Variants in C3orf49 observed in about 807,000 individuals in gnomAD.
C3orf49 encodes the protein chromosome 3 open reading frame 49, also known as putative uncharacterized protein C3orf49.
Under a neutral mutation model 13.3 loss-of-function variants are expected in C3orf49, and 27 were observed. The observed-to-expected ratio is 2.02, with a 90% CI of 1.49 to 2.79. The LOEUF is 2.79. C3orf49 is among the 30% of genes most tolerant of loss of function. C3orf49 has a pLI of 0.00. For missense variants in C3orf49, 242 were observed against 134.2 expected (o/e 1.80, Z -3.97); for synonymous variants, 87 against 47.6 (o/e 1.83, Z -3.40).
At chr3:63,807,553 A>G in the C3orf49 span, among the ~76,000 whole-genome samples, 1 of 152,124 alleles carries the variant, frequency 6.6e-6, no homozygotes, top group African/African-American at 2.4e-5. Flanking sequence ...CTCTTGGGTA[A>G]AAATGAGAAA....
the C3orf49 span, among the ~76,000 whole-genome samples, chr3:63,790,106 T>C: frequency 6.6e-6 from 1 of 152,254 alleles, no homozygotes; most frequent in Non-Finnish European, 1.5e-5. Context: ...GTAGTATCTT[T>C]GCTTGCTGAA....
intron 5 of C3orf49, among the ~76,000 whole-genome samples, chr3:63,833,112 T>C (rs2107110614): frequency 6.6e-6 from 1 of 152,172 alleles, no homozygotes; most frequent in Admixed American, 6.5e-5. Flanking sequence ...TTTTTTTTTT[T>C]TTAGACAGAG....
chr3:63,783,294 C>T, the C3orf49 span, among the ~76,000 whole-genome samples: 1 of 152,060 alleles, frequency 6.6e-6, no homozygotes, highest in African/African-American at 2.4e-5. Context: ...TTCAATATCC[C>T]TCTTCTTTCA....
intron 5 of C3orf49, chr3:63,832,907 T>C (rs1223041517): frequency 2.6e-5 from 4 of 152,128 alleles, no homozygotes; most frequent in Admixed American, 6.5e-5. Flanking sequence ...AAAATTATTA[T>C]TAAAATTACA....
rs1352168666 is a variant in C3orf49 at position 63,848,408 on chromosome 3, T to G, written c.*75T>G. 1.3e-5 allele frequency: 2 copies of G among 152,178 alleles called. No individual in the cohort carries two copies. Among genetic ancestry groups the G allele is most frequent in the Non-Finnish European group, 2.9e-5 (2 of 68,056 alleles). The allele number at this position is 152,178 out of a possible 1,614,324, so 9.4% of individuals were successfully genotyped here. A position where few individuals can be genotyped will look rare whatever the true frequency, so the allele number is the denominator to read the frequency against. On this transcript the variant is annotated 3_prime_UTR_variant, in exon 7 of 7. Coordinates refer to ENST00000295896, the MANE Select transcript of C3orf49 (RefSeq NM_001355236.2). ...ACCAATTACCAATCAGAAAATCGAC[T>G]CCACCTATGAGCTGGAAGTCCTTCC...
the C3orf49 span, among the ~76,000 whole-genome samples, chr3:63,795,570 G>A: frequency 6.6e-6 from 1 of 152,012 alleles, no homozygotes; most frequent in South Asian, 2.1e-4. Flanking sequence ...TACCTTGCTG[G>A]TCCTGTTCAA....
chr3:63,790,378 A>G, the C3orf49 span, among the ~76,000 whole-genome samples: 1 of 152,180 alleles, frequency 6.6e-6, no homozygotes, highest in African/African-American at 2.4e-5. Context: ...TGACCAAAGT[A>G]ATGTTTATGT....
chr3:63,783,188 G>T, the C3orf49 span: 1 of 152,006 alleles, frequency 6.6e-6, no homozygotes, highest in Non-Finnish European at 1.5e-5. Context: ...TGAGAGCGTT[G>T]GTTATCCCTT....
intron 1 of C3orf49, among the ~76,000 whole-genome samples, chr3:63,821,077 C>A (rs1244984458): frequency 6.6e-6 from 1 of 152,020 alleles, no homozygotes; most frequent in East Asian, 1.9e-4. Flanking sequence ...GAATTATTTC[C>A]TTTTATTTTC....
At chr3:63,796,899 A>AT in the C3orf49 span, among the ~76,000 whole-genome samples, 1 of 150,362 alleles carries the variant, frequency 6.7e-6, no homozygotes, top group Non-Finnish European at 1.5e-5. Flanking sequence ...CTTCTTTAAC[A>AT]TTTTTTGCAG....
intron 2 of C3orf49, among the ~76,000 whole-genome samples, chr3:63,824,318 T>C (rs1701439196): frequency 6.6e-6 from 1 of 152,054 alleles, no homozygotes; most frequent in South Asian, 2.1e-4. Context: ...CTTCTAACAG[T>C]GGAGGGGGTA....
At chr3:63,784,423 A>G in the C3orf49 span, among the ~76,000 whole-genome samples, 5 of 152,364 alleles carry the variant, frequency 3.3e-5, no homozygotes, top group African/African-American at 1.2e-4. Flanking sequence ...ATGAAATAAG[A>G]TAATGCAAAT....
the C3orf49 span, among the ~76,000 whole-genome samples, chr3:63,800,545 C>A: frequency 2.2e-4 from 33 of 152,154 alleles, no homozygotes; most frequent in African/African-American, 7.9e-4. Context: ...GAGATTTATA[C>A]ATTTAAACAG....
chr3:63,817,869 C>T (rs564608453), upstream of C3orf49, among the ~76,000 whole-genome samples: 3 of 152,312 alleles, frequency 2.0e-5, no homozygotes, highest in East Asian at 5.8e-4. Flanking sequence ...AAATTCATCT[C>T]ATTCATCTAG....
chr3:63,815,627 C>A (rs1231423236), upstream of C3orf49, among the ~76,000 whole-genome samples: 1 of 152,248 alleles, frequency 6.6e-6, no homozygotes, highest in African/African-American at 2.4e-5. Context: ...TAGTTTGTCT[C>A]TTTTTCAACA....
chr3:63,786,151 A>G, the C3orf49 span: 1 of 152,194 alleles, frequency 6.6e-6, no homozygotes, highest in Non-Finnish European at 1.5e-5. Context: ...ACGCATCTCT[A>G]AAAACCAGGC....
chr3:63,814,224 G>A, the C3orf49 span, among the ~76,000 whole-genome samples: 3 of 152,128 alleles, frequency 2.0e-5, no homozygotes, highest in African/African-American at 7.2e-5. Flanking sequence ...AAGCATCTCT[G>A]GAGGCAGCAA....
chr3:63,807,249 G>T, the C3orf49 span, among the ~76,000 whole-genome samples: 1 of 152,024 alleles, frequency 6.6e-6, no homozygotes, highest in Non-Finnish European at 1.5e-5. Flanking sequence ...CTGCACCCGG[G>T]CCCTCATACA....
At chr3:63,838,316 G>C (rs1227667104) in intron 5 of C3orf49, 3 of 1,227,936 alleles carry the variant, frequency 2.4e-6, no homozygotes, top group Non-Finnish European at 2.3e-6. Flanking sequence ...AGCAGGTATT[G>C]TTTCCTTTAG....
Sources: allele counts gnomAD v4.1 joint callset (sites outside exome capture counted in the v4.1 genomes callset), GRCh38; gene constraint gnomAD v4.1.1; transcripts MANE v1.5; gene names NCBI Gene and HGNC (gene_info 2026-07-23, HGNC 2026-07-21).